SLC35F1: variants seen among roughly 807,000 people sequenced by gnomAD.
SLC35F1 encodes solute carrier family 35 member F1, also known as chromosome 6 open reading frame 169.
A neutral mutation model predicts 48.7 loss-of-function variants in SLC35F1; 14 were observed. The observed-to-expected ratio is 0.29, with a 90% CI of 0.19 to 0.45. The LOEUF (loss-of-function observed/expected upper bound fraction) is 0.45. SLC35F1 is among the 20% of genes least tolerant of loss of function. The pLI, the probability that SLC35F1 is intolerant of heterozygous loss-of-function variation, is 1.00. For synonymous variants in SLC35F1, 190 were observed against 202.2 expected (o/e 0.94, Z 0.51); for missense variants, 404 against 500.0 (o/e 0.81, Z 1.83).
At chr6:118,073,919 T>G (rs1772780136) in intron 1 of SLC35F1, among the ~76,000 whole-genome samples, 1 of 152,192 alleles carries the variant, frequency 6.6e-6, no homozygotes, top group African/African-American at 2.4e-5. Context: ...GTATCAAGAT[T>G]TAAGGAAAGA....
rs948312358 is a variant in SLC35F1, at chr6:118,200,582, A to G, written c.350-34927A>G. 2.0e-5 allele frequency among the ~76,000 whole-genome samples: 3 copies of G among 152,164 alleles called. No homozygotes were observed. In the East Asian group the frequency reaches 5.8e-4, roughly 29 times the overall value. ...CTAATCAAGACCTAATAAAATTATC[A>G]CCTTATATCTAAAGGAAAACAGCAC... On this transcript the variant is annotated intron_variant, in intron 2 of 7. Transcript: ENST00000360388.
At chr6:117,924,477 T>C (rs572738484) in intron 1 of SLC35F1, among the ~76,000 whole-genome samples, 1 of 17,470 alleles carries the variant, frequency 5.7e-5, no homozygotes, top group Non-Finnish European at 2.0e-4. Context: ...TATATACATA[T>C]GTATATACGT....
chr6:118,202,094 G>T (rs1274733816), intron 2 of SLC35F1, among the ~76,000 whole-genome samples: 2 of 152,138 alleles, frequency 1.3e-5, no homozygotes, highest in African/African-American at 4.8e-5. Flanking sequence ...GTGGATATAG[G>T]TTTTCATTGG....
rs539835787 is a variant in SLC35F1, at chr6:118,085,147, G to A, written c.174-69298G>A. ...CCCACCAACTCTCTTCTATGCAGGAGCTGCCAAGACTCTCCTAGAATTTGG... is the reference window on the plus strand; with the variant it reads ...CCCACCAACTCTCTTCTATGCAGGAACTGCCAAGACTCTCCTAGAATTTGG... On this transcript the variant is annotated intron_variant, in intron 1 of 7. Transcript: ENST00000360388. 7.2e-5 allele frequency among the ~76,000 whole-genome samples: 11 copies of A among 152,196 alleles called. No homozygotes were observed. In the South Asian group the frequency reaches 1.7e-3, roughly 23 times the overall value.
intron 1 of SLC35F1, among the ~76,000 whole-genome samples, chr6:117,931,247 T>A (rs993636071): frequency 2.0e-5 from 3 of 152,142 alleles, no homozygotes; most frequent in Non-Finnish European, 4.4e-5. Flanking sequence ...TAAAGAAATA[T>A]CTTTTAAAAA....
chr6:118,297,777 T>C (rs1294084030), intron 7 of SLC35F1, among the ~76,000 whole-genome samples: 3 of 139,256 alleles, frequency 2.2e-5, no homozygotes, highest in East Asian at 2.0e-4. Context: ...TATATATATA[T>C]ACACACATAT....
chr6:118,179,729 C>T (rs1158981178), intron 2 of SLC35F1, among the ~76,000 whole-genome samples: 2 of 152,008 alleles, frequency 1.3e-5, no homozygotes, highest in Admixed American at 1.3e-4. Flanking sequence ...TTTTTAAAGG[C>T]TTTTTTTAAA....
chr6:117,907,960 T>C, intron 1 of SLC35F1, 61 bp downstream of exon 1: 1 of 1,275,430 alleles, frequency 7.8e-7, no homozygotes, highest in Non-Finnish European at 9.9e-7. Context: ...CGGCTCCGGG[T>C]CCCCTCCGTC....
chr6:118,266,251 G>T lies in SLC35F1; in HGVS notation c.478-744G>T, dbSNP rs577198426. ...CACATTATCTCTCTACATAATTGGG[G>T]CAAATTCTCTATCAACTCTTTGGAC... On this transcript the variant is annotated intron_variant, in intron 3 of 7. Coordinates refer to ENST00000360388, the MANE Select transcript of SLC35F1 (RefSeq NM_001029858.4). 4.6e-5 allele frequency among the ~76,000 whole-genome samples: 7 copies of T among 152,200 alleles called. No individual in the cohort carries two copies. The East Asian group carries it at 1.4e-3, about 29-fold the overall frequency.
At chr6:117,971,487 C>A (rs568568981) in intron 1 of SLC35F1, among the ~76,000 whole-genome samples, 8 of 152,332 alleles carry the variant, frequency 5.3e-5, no homozygotes, top group African/African-American at 1.9e-4. Context: ...TAAGCAGTGC[C>A]CCAGTAGGGA....
At chr6:118,269,902 A>G (rs1410547923) in intron 4 of SLC35F1, among the ~76,000 whole-genome samples, 1 of 152,078 alleles carries the variant, frequency 6.6e-6, no homozygotes, top group East Asian at 1.9e-4. Context: ...GGTGGTGTGC[A>G]CCTATAGTCC....
chr6:118,296,056 C>T (rs1035417354), intron 7 of SLC35F1, among the ~76,000 whole-genome samples: 1 of 152,156 alleles, frequency 6.6e-6, no homozygotes, highest in Non-Finnish European at 1.5e-5. Flanking sequence ...ACCCAGGTGC[C>T]TTCCATTTTG....
In SLC35F1 at chr6:118,159,754, C is replaced by T. The variant is rs965143452; in HGVS notation, c.349+5134C>T. On this transcript the variant is annotated intron_variant, in intron 2 of 7. Transcript: ENST00000360388. ...CAAAGGTGAAACTAGGATACAGTTC[C>T]TATCAAGAAAACATGTATCATCTAA... Among the ~76,000 whole-genome samples, 3 of 152,276 alleles carry T rather than the reference C, an allele frequency of 2.0e-5. No individual in the cohort carries two copies. In the East Asian group the frequency reaches 5.8e-4, roughly 29 times the overall value.
In SLC35F1 at chr6:118,314,575, A is replaced by G; in HGVS notation, c.*323A>G. The G allele has an allele frequency of 3.3e-6, 1 of 303,180 alleles. No individual in the cohort carries two copies. Among genetic ancestry groups the G allele is most frequent in the Non-Finnish European group, 6.3e-6 (1 of 158,962 alleles). 18.8% of individuals were successfully genotyped at this position (303,180 alleles called of 1,614,324 possible). Reference sequence around the variant, plus strand: ...TATTATTATTATTGCTGTTACTGTTATTACACCAACTTTCAGGAGGATGTT... The same window carrying G: ...TATTATTATTATTGCTGTTACTGTTGTTACACCAACTTTCAGGAGGATGTT... On this transcript the variant is annotated 3_prime_UTR_variant, in exon 8 of 8. Coordinates refer to ENST00000360388, the MANE Select transcript of SLC35F1 (RefSeq NM_001029858.4).
At chr6:118,063,805 GA>G (rs918282330) in intron 1 of SLC35F1, among the ~76,000 whole-genome samples, 1 of 151,556 alleles carries the variant, frequency 6.6e-6, no homozygotes, top group African/African-American at 2.4e-5. Flanking sequence ...ACAAATGCTT[GA>G]AAAAAAACTC....
intron 2 of SLC35F1, among the ~76,000 whole-genome samples, chr6:118,218,744 A>G (rs189199510): frequency 1.3e-5 from 2 of 152,306 alleles, no homozygotes; most frequent in Admixed American, 1.3e-4. Context: ...TTGGTTCCCA[A>G]GGGTTCATCT....
At chr6:118,100,723 C>T (rs909779830) in intron 1 of SLC35F1, among the ~76,000 whole-genome samples, 4 of 152,132 alleles carry the variant, frequency 2.6e-5, no homozygotes, top group Non-Finnish European at 5.9e-5. Flanking sequence ...ATTAATGTTG[C>T]TTAATGTAGG....
At chr6:118,136,599 TG>T (rs1773800916) in intron 1 of SLC35F1, among the ~76,000 whole-genome samples, 2 of 152,200 alleles carry the variant, frequency 1.3e-5, no homozygotes, top group Non-Finnish European at 2.9e-5. Context: ...CCTCCTTTTT[TG>T]GTCTTAAAGT....
intron 1 of SLC35F1, among the ~76,000 whole-genome samples, chr6:117,917,788 G>A (rs541509363): frequency 6.6e-6 from 1 of 152,058 alleles, no homozygotes; most frequent in Non-Finnish European, 1.5e-5. Flanking sequence ...GTCAGAGCTT[G>A]GAATTTGGAT....
Sources: allele counts gnomAD v4.1 joint callset (sites outside exome capture counted in the v4.1 genomes callset), GRCh38; gene constraint gnomAD v4.1.1; transcripts MANE v1.5; gene names NCBI Gene and HGNC (gene_info 2026-07-23, HGNC 2026-07-21).